The following OXNAD1 variants were observed in gnomAD, a reference collection of about 807,000 sequenced individuals.
OXNAD1 encodes oxidoreductase NAD binding domain containing 1, also known as oxidoreductase NAD-binding domain-containing protein 1.
In OXNAD1, 34 loss-of-function variants were observed where a neutral mutation model predicts 32.9. The ratio of observed to expected loss-of-function variants is 1.03; its 90% CI spans 0.79 to 1.38. The LOEUF is 1.38. OXNAD1 is among the 40% of genes most tolerant of loss of function. The probability of loss-of-function intolerance (pLI) is 0.00; values close to 1 mark genes in which losing one functional copy is unlikely to be tolerated. For missense variants in OXNAD1, 407 were observed against 379.4 expected (o/e 1.07, Z -0.60); for synonymous variants, 134 against 135.2 (o/e 0.99, Z 0.06).
rs150160228 is a variant in OXNAD1, at chr3:16,278,573, C to T, written c.183+6851C>T. 2.7e-3 allele frequency among the ~76,000 whole-genome samples: 416 copies of T among 152,308 alleles called. 2 individuals carry two copies. Among genetic ancestry groups the T allele is most frequent in the Middle Eastern group, 0.027 (8 of 294 alleles). ...ACTTTCACTCTCAAAATTATTCTGT[C>T]TTGAATGATAAATTATATTGTTGTC... On this transcript the variant is annotated intron_variant, in intron 4 of 8. Transcript: ENST00000285083.
intron 9 of OXNAD1, chr3:16,326,762 G>A (rs1279295807): frequency 1.9e-6 from 3 of 1,601,264 alleles, no homozygotes; most frequent in Non-Finnish European, 2.6e-6. Flanking sequence ...AATGATTACT[G>A]TTATTGTTAC....
intron 1 of OXNAD1, among the ~76,000 whole-genome samples, chr3:16,268,343 T>C (rs1377928655): frequency 1.0e-5 from 1 of 96,280 alleles, no homozygotes; most frequent in African/African-American, 3.8e-5. Flanking sequence ...TTTTTTTTTT[T>C]TTTGAGACTG....
chr3:16,334,697 A>G lies in OXNAD1; in HGVS notation c.*31-2415A>G, dbSNP rs1308381114. ...TGTCCAGGAGGCAACTAAATGAAAC[A>G]GCCTGTGGTAGACAGAATAATGGCC... On this transcript the variant is annotated intron_variant, in intron 9 of 9. Transcript: ENST00000435829. The surrounding 1 kb of genome is among the most constrained non-coding windows in gnomAD (Gnocchi z 4.3). Among the ~76,000 whole-genome samples the G allele has an allele frequency of 6.6e-6, 1 of 152,240 alleles. No individual in the cohort carries two copies. Among genetic ancestry groups the G allele is most frequent in the Non-Finnish European group, 1.5e-5 (1 of 68,038 alleles).
intron 6 of OXNAD1, among the ~76,000 whole-genome samples, chr3:16,300,937 CA>C (rs1364580253): frequency 1.3e-5 from 2 of 152,230 alleles, no homozygotes; most frequent in Non-Finnish European, 2.9e-5. Context: ...GTAGCACCCC[CA>C]CTGAGAAAAA....
intron 9 of OXNAD1, chr3:16,313,585 C>G (rs910606240): frequency 2.4e-4 from 37 of 152,272 alleles, no homozygotes; most frequent in African/African-American, 8.7e-4. Flanking sequence ...TACCATGGAC[C>G]AAGCACTTTA....
intron 6 of OXNAD1, 91 bp downstream of exon 6, chr3:16,295,088 C>G: frequency 7.0e-7 from 1 of 1,423,516 alleles, no homozygotes; most frequent in Non-Finnish European, 9.3e-7. Flanking sequence ...CCTAAGAAAC[C>G]TGGGCTTGAG....
chr3:16,338,374 G>A (rs1221158382), downstream of OXNAD1, among the ~76,000 whole-genome samples: 3 of 152,238 alleles, frequency 2.0e-5, no homozygotes, highest in African/African-American at 2.4e-5. This position sits in a 1 kb window ranked among gnomAD's most constrained non-coding sequence, Gnocchi z 5.3. Context: ...ACTCTGACCC[G>A]TAGCAGGGAC....
At chr3:16,309,077 T>G (rs1478256767), downstream of OXNAD1, among the ~76,000 whole-genome samples, 1 of 152,222 alleles carries the variant, frequency 6.6e-6, no homozygotes, top group Non-Finnish European at 1.5e-5. Flanking sequence ...CTTTTAGAAA[T>G]TTTATGGTAT....
At chr3:16,313,658 A>G (rs904047534) in intron 9 of OXNAD1, 1 of 152,036 alleles carries the variant, frequency 6.6e-6, no homozygotes, top group Non-Finnish European at 1.5e-5. Context: ...CCCATTTCAC[A>G]CTTGAGGCGA....
intron 9 of OXNAD1, among the ~76,000 whole-genome samples, chr3:16,319,945 C>T (rs749225639): frequency 2.6e-5 from 4 of 151,928 alleles, no homozygotes; most frequent in Non-Finnish European, 4.4e-5. Flanking sequence ...CAGCAAGCCG[C>T]AGATAAAACA....
In OXNAD1 at chr3:16,301,811, G is replaced by A; in HGVS notation, c.618G>A (p.Glu206=). ...AGGCAAACAAAAGAAATGGATATGA[G>A]ATAGGAACAATAAAACTATTCTACA... ...REQANKRNGY[E]IGTIKLFYSA... The change falls in exon 7 of 9, where the codon GAG becomes GAA. Residue 206 remains glutamate, a synonymous_variant. Coordinates refer to ENST00000285083, the MANE Select transcript of OXNAD1 (RefSeq NM_138381.5). This position sits in a 1 kb window ranked among gnomAD's most constrained non-coding sequence, Gnocchi z 4.1. 6.2e-7 allele frequency: 1 copy of A among 1,614,076 alleles called. No individual in the cohort carries two copies. The highest frequency in any genetic ancestry group is 8.5e-7 in the Non-Finnish European group (1 of 1,179,976).
At chr3:16,315,370 C>T (rs1310369360) in intron 9 of OXNAD1, among the ~76,000 whole-genome samples, 1 of 152,202 alleles carries the variant, frequency 6.6e-6, no homozygotes, top group African/African-American at 2.4e-5. Context: ...CCTGCCTCAG[C>T]CTCCCAAAGT....
At chr3:16,337,819 G>A (rs942360658), downstream of OXNAD1, among the ~76,000 whole-genome samples, 1 of 152,114 alleles carries the variant, frequency 6.6e-6, no homozygotes, top group Non-Finnish European at 1.5e-5. The surrounding 1 kb of genome is among the most constrained non-coding windows in gnomAD (Gnocchi z 5.0). Context: ...TGCTGAAGGG[G>A]AGTGTTCCTA....
Position 16,301,608 on chromosome 3 carries a change from T to A in OXNAD1, c.433-18T>A. The A allele has an allele frequency of 1.2e-6, 2 of 1,613,106 alleles. No individual in the cohort carries two copies. The highest frequency in any genetic ancestry group is 1.7e-6 in the Non-Finnish European group (2 of 1,179,442). ...CTTTGCTACAAAAGACTAAAAGGTC[T>A]TTTCTTTCCTGCCTTAGTGTACACT... On this transcript the variant is annotated intron_variant, in intron 6 of 8. Transcript: ENST00000285083. This position sits in a 1 kb window ranked among gnomAD's most constrained non-coding sequence, Gnocchi z 4.1.
In OXNAD1 at chr3:16,298,964, T is replaced by A. The variant is rs1034716783; in HGVS notation, c.433-2662T>A. 4.6e-5 allele frequency among the ~76,000 whole-genome samples: 7 copies of A among 152,196 alleles called. No homozygotes were observed. Among genetic ancestry groups the A allele is most frequent in the Admixed American group, 4.6e-4 (7 of 15,276 alleles). On this transcript the variant is annotated intron_variant, in intron 6 of 8. Transcript: ENST00000285083. This position sits in a 1 kb window ranked among gnomAD's most constrained non-coding sequence, Gnocchi z 5.1. ...AAAGACAAAGATGGCTTTTAATTCT[T>A]CCCGGATGCTACCAAATCAGAATAC...
rs1056458796 is a variant in OXNAD1 at position 16,288,049 on chromosome 3, T to C, written c.290+1601T>C. 6.6e-6 allele frequency among the ~76,000 whole-genome samples: 1 copy of C among 152,180 alleles called. No homozygotes were observed. Among genetic ancestry groups the C allele is most frequent in the African/African-American group, 2.4e-5 (1 of 41,450 alleles). ...CCCTGGGCCCTCCTCTTTCAACAAA[T>C]TTTACCCTTACCATTGATTTATGGT... On this transcript the variant is annotated intron_variant, in intron 5 of 8. Coordinates refer to ENST00000285083, the MANE Select transcript of OXNAD1 (RefSeq NM_138381.5). This position sits in a 1 kb window ranked among gnomAD's most constrained non-coding sequence, Gnocchi z 5.1.
chr3:16,313,205 A>ATTTTTTTTTTTT (rs750491540), intron 9 of OXNAD1, among the ~76,000 whole-genome samples: 1,582 of 103,612 alleles, frequency 0.015, 230 homozygotes, highest in African/African-American at 0.064. Context: ...CACCCAGCGG[A>ATTTTTTTTTTTT]TTTTTTTTTT....
downstream of OXNAD1, among the ~76,000 whole-genome samples, chr3:16,351,351 C>T (rs1330953433): frequency 1.3e-5 from 2 of 152,104 alleles, no homozygotes; most frequent in African/African-American, 4.8e-5. This position sits in a 1 kb window ranked among gnomAD's most constrained non-coding sequence, Gnocchi z 5.4. Flanking sequence ...TGGAAGATCC[C>T]CAGAATGAAG....
At position 16,285,838 on chromosome 3, in the gene OXNAD1, C is replaced by G. The variant is rs369449639; in HGVS notation, c.184-504C>G. On this transcript the variant is annotated intron_variant, in intron 4 of 8. Transcript: ENST00000285083. ...TAGACTCAATAGGCACAAGATTGTT[C>G]TGTGAAATTGTTAAAAGTTTCTAAG... is the stretch of plus-strand genomic sequence containing the variant. Among the ~76,000 whole-genome samples the G allele has an allele frequency of 7.9e-5, 12 of 152,326 alleles. 2 individuals carry two copies. Among genetic ancestry groups the G allele is most frequent in the East Asian group, 1.9e-4 (1 of 5,192 alleles).
Sources: allele counts gnomAD v4.1 joint callset (sites outside exome capture counted in the v4.1 genomes callset), GRCh38; gene constraint gnomAD v4.1.1; non-coding constraint Gnocchi (gnomAD v3.1); transcripts MANE v1.5; gene names NCBI Gene and HGNC (gene_info 2026-07-23, HGNC 2026-07-21).